Variants in ZPBP observed in about 807,000 individuals in gnomAD.
The protein encoded by ZPBP is zona pellucida binding protein.
ZPBP carries 26 observed loss-of-function variants against 44.8 expected under a neutral mutation model. The observed-to-expected ratio is 0.58, with a 90% CI of 0.43 to 0.81. The LOEUF is 0.81. ZPBP is among the 30% of genes least tolerant of loss of function. The pLI is 0.00. For missense variants in ZPBP, 409 were observed against 434.0 expected (o/e 0.94, Z 0.51); for synonymous variants, 174 against 153.2 (o/e 1.14, Z -1.00).
intron 4 of ZPBP, among the ~76,000 whole-genome samples, chr7:50,046,537 T>C (rs1562868714): frequency 6.6e-6 from 1 of 151,402 alleles, no homozygotes; most frequent in African/African-American, 2.4e-5. Flanking sequence ...AACAAACATA[T>C]GAAAAAAAGC....
At chr7:49,875,866 T>A (rs1462254838) in intron 2 of ZPBP, among the ~76,000 whole-genome samples, 1 of 152,188 alleles carries the variant, frequency 6.6e-6, no homozygotes, top group Non-Finnish European at 1.5e-5. Flanking sequence ...AAGAGAATCC[T>A]GCTTGGTTTC....
chr7:50,070,041 C>G (rs2128841091), intron 3 of ZPBP, among the ~76,000 whole-genome samples: 1 of 152,260 alleles, frequency 6.6e-6, no homozygotes, highest in African/African-American at 2.4e-5. Context: ...ACAAGCCTCT[C>G]TCATGTCCCA....
intron 1 of ZPBP, among the ~76,000 whole-genome samples, chr7:49,932,259 T>C (rs975424111): frequency 6.2e-4 from 94 of 152,242 alleles, no homozygotes; most frequent in African/African-American, 2.2e-3. Context: ...CACCAACAGA[T>C]TGCACCATGC....
At chr7:50,042,707 C>A (rs1800154295) in intron 4 of ZPBP, among the ~76,000 whole-genome samples, 1 of 152,098 alleles carries the variant, frequency 6.6e-6, no homozygotes, top group African/African-American at 2.4e-5. Flanking sequence ...CCAGCCACTG[C>A]AAAAACATAC....
At position 50,073,892 on chromosome 7, in the gene ZPBP, A is replaced by G. The variant is rs554775200; in HGVS notation, c.334+7882T>C. Among the ~76,000 whole-genome samples, 7 of 152,286 alleles carry G rather than the reference A, an allele frequency of 4.6e-5. No individual in the cohort carries two copies. In the South Asian group the frequency reaches 1.2e-3, roughly 27 times the overall value. On this transcript the variant is annotated intron_variant, in intron 3 of 7. Transcript: ENST00000046087. ...TCACCAATACCTCAACTTTCATACA[A>G]GAAATGCTAAAGGGAGTACTTCAGT...
intron 6 of ZPBP, among the ~76,000 whole-genome samples, chr7:50,012,981 T>C (rs1355236197): frequency 1.3e-5 from 2 of 151,748 alleles, no homozygotes; most frequent in African/African-American, 4.8e-5. Flanking sequence ...CTGCTGAAAA[T>C]TGAAACAACT....
chr7:49,905,887 C>T (rs1004806951), intron 1 of ZPBP, among the ~76,000 whole-genome samples: 2 of 152,216 alleles, frequency 1.3e-5, no homozygotes, highest in Non-Finnish European at 2.9e-5. Flanking sequence ...GACCTCTAGT[C>T]ATCCTCACTG....
intron 4 of ZPBP, among the ~76,000 whole-genome samples, chr7:50,044,108 G>C (rs1162696560): frequency 1.3e-5 from 2 of 152,096 alleles, no homozygotes; most frequent in East Asian, 3.8e-4. Context: ...TAAGTTCTTT[G>C]GAACCAATGA....
At chr7:49,868,644 G>C (rs1381038284) in intron 2 of ZPBP, among the ~76,000 whole-genome samples, 7 of 152,160 alleles carry the variant, frequency 4.6e-5, no homozygotes, top group Non-Finnish European at 1.0e-4. Context: ...TTTAGATGAA[G>C]TCTTGCTCTG....
chr7:49,923,354 C>A (rs1217325547), intron 1 of ZPBP, among the ~76,000 whole-genome samples: 2 of 152,144 alleles, frequency 1.3e-5, no homozygotes, highest in East Asian at 1.9e-4. Context: ...ATGTTTGATG[C>A]ATGTTTAATA....
At chr7:50,079,648 T>C (rs1382383465) in intron 3 of ZPBP, among the ~76,000 whole-genome samples, 2 of 151,566 alleles carry the variant, frequency 1.3e-5, no homozygotes, top group African/African-American at 4.8e-5. Flanking sequence ...GAATGGTAAA[T>C]ACAGTTAACA....
chr7:50,064,210 A>G (rs1293558349), intron 3 of ZPBP, among the ~76,000 whole-genome samples: 1 of 152,218 alleles, frequency 6.6e-6, no homozygotes, highest in African/African-American at 2.4e-5. Context: ...AGTTTTTATT[A>G]GGGATTTTCA....
chr7:49,931,715 G>A (rs762452290), intron 1 of ZPBP, among the ~76,000 whole-genome samples: 36 of 152,340 alleles, frequency 2.4e-4, no homozygotes, highest in Middle Eastern at 3.4e-3. Flanking sequence ...AAGTACTGAG[G>A]AGCCAAATGT....
intron 3 of ZPBP, among the ~76,000 whole-genome samples, chr7:50,064,049 C>T (rs1375674398): frequency 6.6e-6 from 1 of 152,130 alleles, no homozygotes; most frequent in Middle Eastern, 3.2e-3. Context: ...CCGATAATTA[C>T]GTATGTTCTT....
intron 7 of ZPBP, among the ~76,000 whole-genome samples, chr7:49,959,620 C>G (rs1310200872): frequency 6.6e-6 from 1 of 152,106 alleles, no homozygotes; most frequent in African/African-American, 2.4e-5. Flanking sequence ...AATTTACACA[C>G]TTGGAGAATC....
intron 5 of ZPBP, among the ~76,000 whole-genome samples, chr7:50,026,500 C>G (rs1404399604): frequency 1.8e-4 from 27 of 151,838 alleles, no homozygotes; most frequent in Admixed American, 1.7e-3. Context: ...ATGAAACATT[C>G]CTCCAGGAAG....
chr7:49,897,704 G>A (rs1792458682), intron 2 of ZPBP, among the ~76,000 whole-genome samples: 1 of 152,198 alleles, frequency 6.6e-6, no homozygotes. Context: ...AGCTCCATGG[G>A]AACCAGTATT....
At chr7:49,943,999 G>A (rs2128754469) in intron 7 of ZPBP, 2 of 291,240 alleles carry the variant, frequency 6.9e-6, no homozygotes, top group East Asian at 1.1e-4. Context: ...CTTCCTTTGT[G>A]ACATAGGGCC....
intron 2 of ZPBP, among the ~76,000 whole-genome samples, chr7:50,084,245 C>G (rs954335395): frequency 6.6e-6 from 1 of 151,560 alleles, no homozygotes; most frequent in Non-Finnish European, 1.5e-5. Flanking sequence ...ACTGGTGCAG[C>G]CTTTTTGAAG....
Sources: gnomAD v4.1 joint callset for allele counts (sites outside exome capture counted in the v4.1 genomes callset) on GRCh38, gnomAD v4.1.1 for gene constraint, MANE v1.5 for transcripts, NCBI Gene and HGNC (gene_info 2026-07-23, HGNC 2026-07-21) for gene names.